Variants in PXK observed in about 807,000 individuals in gnomAD.
The protein encoded by PXK is PX domain containing serine/threonine kinase like, also known as PX domain-containing protein kinase-like protein.
A neutral mutation model predicts 84.7 loss-of-function variants in PXK; 35 were observed. The observed-to-expected ratio is 0.41, with a 90% CI of 0.32 to 0.55. PXK has a LOEUF of 0.55. PXK is among the 20% of genes least tolerant of loss of function. PXK has a pLI of 0.21. For synonymous variants in PXK, 253 were observed against 260.8 expected, an observed-to-expected ratio of 0.97 and a Z score of 0.29; for missense variants, 634 against 699.7, an observed-to-expected ratio of 0.91 and a Z score of 1.06.
intron 1 of PXK, among the ~76,000 whole-genome samples, chr3:58,335,026 T>C (rs1430027447): frequency 7.6e-6 from 1 of 132,092 alleles, no homozygotes; most frequent in Non-Finnish European, 1.5e-5. Flanking sequence ...CTGGTGTGTG[T>C]GTGTGTGTGT....
At chr3:58,420,717 T>TA in intron 17 of PXK, 2 of 1,453,404 alleles carry the variant, frequency 1.4e-6, no homozygotes, top group South Asian at 2.9e-5. Context: ...TTAAATGAAA[T>TA]ACAGCATCTT....
chr3:58,357,403 A>G (rs745882379), intron 1 of PXK, among the ~76,000 whole-genome samples: 20 of 152,182 alleles, frequency 1.3e-4, no homozygotes, highest in Non-Finnish European at 2.4e-4. Flanking sequence ...CTTCTGGGGC[A>G]ATAACACACA....
At chr3:58,369,333 C>G in intron 2 of PXK, 98 bp from the exon 3 acceptor site, 2 of 923,570 alleles carry the variant, frequency 2.2e-6, no homozygotes, top group Admixed American at 4.3e-5. Context: ...TGCCTGAGCT[C>G]TAGAGTGCCA....
chr3:58,349,895 G>A (rs539630718), intron 1 of PXK, among the ~76,000 whole-genome samples: 4 of 152,268 alleles, frequency 2.6e-5, no homozygotes, highest in African/African-American at 9.6e-5. Context: ...TGAGCTTAAC[G>A]GATAGAACCT....
At position 58,407,464 on chromosome 3, in the gene PXK, C is replaced by G. The variant is rs1388589367; in HGVS notation, c.1231-1460C>G. Among the ~76,000 whole-genome samples, 1 of 152,036 alleles carries G rather than the reference C, an allele frequency of 6.6e-6. No homozygotes were observed. Among genetic ancestry groups the G allele is most frequent in the African/African-American group, 2.4e-5 (1 of 41,410 alleles). On this transcript the variant is annotated intron_variant, in intron 13 of 17. Transcript: ENST00000356151. The surrounding 1 kb of genome is among the most constrained non-coding windows in gnomAD (Gnocchi z 4.3). ...TCTGGATATTAACCCCTTATCAGAC[C>G]TATGATTTGCAAATATTGTGTCCCA...
chr3:58,334,130 T>A (rs997209858), intron 1 of PXK, among the ~76,000 whole-genome samples: 14 of 152,200 alleles, frequency 9.2e-5, no homozygotes, highest in African/African-American at 3.4e-4. Flanking sequence ...GCCTTCTGTT[T>A]CTCTTTTCGT....
chr3:58,365,674 C>A (rs1176204223), intron 1 of PXK, among the ~76,000 whole-genome samples, 200 bp from the exon 2 acceptor site: 1 of 152,168 alleles, frequency 6.6e-6, no homozygotes, highest in Non-Finnish European at 1.5e-5. Context: ...TTGTTTGATG[C>A]ATATACATTG....
chr3:58,416,336 G>C lies in PXK; in HGVS notation c.1528+3373G>C, dbSNP rs1228188602. Among the ~76,000 whole-genome samples the C allele has an allele frequency of 1.3e-5, 2 of 152,168 alleles. No homozygotes were observed. Among genetic ancestry groups the C allele is most frequent in the Non-Finnish European group, 2.9e-5 (2 of 68,036 alleles). On this transcript the variant is annotated intron_variant, in intron 17 of 17. Transcript: ENST00000356151. This position sits in a 1 kb window ranked among gnomAD's most constrained non-coding sequence, Gnocchi z 4.8. ...CTGGATGCCTGGAATTTTTCTTAAA[G>C]GAACATTTGGATTTTCCCTTATTTC...
Position 58,412,975 on chromosome 3 carries a change from A to AC in PXK, c.1528+12_1528+13insC, listed in dbSNP as rs758419777. 115 of 1,613,704 alleles carry AC rather than the reference A, an allele frequency of 7.1e-5. No individual in the cohort carries two copies. The highest frequency in any genetic ancestry group is 9.5e-5 in the Non-Finnish European group (112 of 1,179,798). ...ACCCTCTACATCAGGTTAGTGATGG[A>AC]GTAAAGTGACATGCCACCTTCCTGT... On this transcript the variant is annotated intron_variant, in intron 17 of 17. Transcript: ENST00000356151. This position sits in a 1 kb window ranked among gnomAD's most constrained non-coding sequence, Gnocchi z 6.2.
At chr3:58,417,261 C>T (rs192441899) in intron 17 of PXK, among the ~76,000 whole-genome samples, 6 of 152,274 alleles carry the variant, frequency 3.9e-5, no homozygotes, top group African/African-American at 1.2e-4. Flanking sequence ...TGAACTCTGG[C>T]CTTTGGCAGT....
intron 1 of PXK, among the ~76,000 whole-genome samples, chr3:58,337,693 C>T (rs1010775021): frequency 1.3e-5 from 2 of 152,116 alleles, no homozygotes; most frequent in African/African-American, 4.8e-5. Context: ...TGGTCTCAAA[C>T]TCCTGAGTTC....
chr3:58,335,149 A>G (rs2097571863), intron 1 of PXK, among the ~76,000 whole-genome samples: 2 of 152,046 alleles, frequency 1.3e-5, no homozygotes, highest in African/African-American at 4.8e-5. Context: ...GTGCTGGTAT[A>G]CAGATGTGAG....
chr3:58,340,609 C>T (rs1358449346), intron 1 of PXK, among the ~76,000 whole-genome samples: 1 of 151,956 alleles, frequency 6.6e-6, no homozygotes, highest in Non-Finnish European at 1.5e-5. Flanking sequence ...GCCTGTAATC[C>T]CAGCTACTCG....
At chr3:58,389,446 C>T (rs902948387) in intron 4 of PXK, among the ~76,000 whole-genome samples, 12 of 151,998 alleles carry the variant, frequency 7.9e-5, no homozygotes, top group African/African-American at 2.9e-4. Context: ...TTTAGATTTT[C>T]CAGTTTTGAA....
At chr3:58,404,048 G>T (rs1174079878) in intron 13 of PXK, 138 bp downstream of exon 13, 1 of 462,644 alleles carries the variant, frequency 2.2e-6, no homozygotes, top group East Asian at 3.3e-5. Flanking sequence ...ACAATTAGGG[G>T]CTAGTTTAAT....
chr3:58,348,673 G>C (rs2097863211), intron 1 of PXK, among the ~76,000 whole-genome samples: 1 of 152,016 alleles, frequency 6.6e-6, no homozygotes, highest in African/African-American at 2.4e-5. Context: ...CACTTTGGCA[G>C]GTTGAGGAGG....
At chr3:58,418,420 G>A (rs972770251) in intron 17 of PXK, among the ~76,000 whole-genome samples, 7 of 152,148 alleles carry the variant, frequency 4.6e-5, no homozygotes, top group African/African-American at 1.7e-4. Context: ...AACTTGTTCT[G>A]TATTTGTTCA....
At chr3:58,347,944 C>T (rs547692578) in intron 1 of PXK, among the ~76,000 whole-genome samples, 2 of 152,266 alleles carry the variant, frequency 1.3e-5, no homozygotes, top group South Asian at 4.1e-4. Flanking sequence ...GACTGAGTCT[C>T]ACTCTGTTGC....
chr3:58,361,823 T>A (rs954480123), intron 1 of PXK, among the ~76,000 whole-genome samples: 1 of 152,242 alleles, frequency 6.6e-6, no homozygotes, highest in Non-Finnish European at 1.5e-5. Flanking sequence ...TAAATTCTTA[T>A]GTGAATATAA....
Sources: gnomAD v4.1 joint callset for allele counts (sites outside exome capture counted in the v4.1 genomes callset) on GRCh38, gnomAD v4.1.1 for gene constraint, Gnocchi (gnomAD v3.1) non-coding constraint, MANE v1.5 for transcripts, NCBI Gene and HGNC (gene_info 2026-07-23, HGNC 2026-07-21) for gene names.